The following WDR43 variants were observed in gnomAD, a reference collection of about 807,000 sequenced individuals.
WDR43 encodes the protein WD repeat-containing protein 43.
WDR43 carries 13 observed loss-of-function variants against 91.4 expected under a neutral mutation model. The observed-to-expected ratio is 0.14, with a 90% CI of 0.09 to 0.23. WDR43 has a LOEUF of 0.23. WDR43 is among the 10% of genes least tolerant of loss of function. WDR43 has a pLI of 1.00. For synonymous variants in WDR43, 331 were observed against 287.9 expected (o/e 1.15, Z -1.51); for missense variants, 780 against 809.4 (o/e 0.96, Z 0.44).
chr2:28,896,019 T>C (rs1670474075), intron 1 of WDR43, among the ~76,000 whole-genome samples: 1 of 152,228 alleles, frequency 6.6e-6, no homozygotes, highest in Non-Finnish European at 1.5e-5. Flanking sequence ...TTTCAAATTT[T>C]AAGCTACATT....
At chr2:28,902,954 T>G (rs1197872193) in intron 2 of WDR43, among the ~76,000 whole-genome samples, 2 of 152,246 alleles carry the variant, frequency 1.3e-5, no homozygotes, top group Non-Finnish European at 2.9e-5. Context: ...AAATAACATT[T>G]GTCTATAGGA....
chr2:28,894,726 G>T lies in WDR43; in HGVS notation c.28G>T (p.Asp10Tyr), dbSNP rs1184201712. MAAGGGGSC[D>Y]PLAPAGVPCA... ...GGCGGCGGGCGGCGGCGGTAGCTGC[G>T]ACCCCCTGGCCCCTGCTGGGGTCCC... Residue 10 changes from aspartate to tyrosine, a missense_variant, in exon 1 of 18, where the codon GAC becomes TAC. Physicochemically the swap from Asp to Tyr is radical, Grantham distance 160 (BLOSUM62 -3). Coordinates refer to ENST00000407426, the MANE Select transcript of WDR43 (RefSeq NM_015131.3). 5 of 1,573,906 alleles carry T rather than the reference G, an allele frequency of 3.2e-6. No homozygotes were observed. In the East Asian group the frequency reaches 9.5e-5, roughly 30 times the overall value.
At chr2:28,937,779 A>G (rs1163105099) in intron 13 of WDR43, among the ~76,000 whole-genome samples, 152 bp from the exon 14 acceptor site, 2 of 152,240 alleles carry the variant, frequency 1.3e-5, no homozygotes, top group Admixed American at 6.5e-5. Context: ...GAAAAAACGG[A>G]AAGTGATATA....
intron 7 of WDR43, among the ~76,000 whole-genome samples, chr2:28,924,708 C>A (rs533550343): frequency 6.6e-6 from 1 of 151,882 alleles, no homozygotes; most frequent in Non-Finnish European, 1.5e-5. Flanking sequence ...GGCAAGAGAA[C>A]GTTTGGCAGC....
rs563496357 is a variant in WDR43 at position 28,947,946 on chromosome 2, A to C, written c.*1167A>C. 1 of 144,716 alleles carries C rather than the reference A, an allele frequency of 6.9e-6. No homozygotes were observed. Among genetic ancestry groups the C allele is most frequent in the South Asian group, 2.2e-4 (1 of 4,556 alleles). 9.0% of individuals were successfully genotyped at this position (144,716 alleles called of 1,614,324 possible). ...CTAGGGGACATGCACATGGAAGCTC[A>C]CCTCTAAGAAAGGGCTGGGCAGATG... is the stretch of plus-strand genomic sequence containing the variant. On this transcript the variant is annotated 3_prime_UTR_variant, in exon 18 of 18. Transcript: ENST00000407426.
intron 5 of WDR43, among the ~76,000 whole-genome samples, 151 bp downstream of exon 5, chr2:28,914,359 A>G (rs1004678852): frequency 4.6e-5 from 7 of 152,240 alleles, no homozygotes; most frequent in Admixed American, 4.6e-4. Flanking sequence ...CTGCCTACAA[A>G]ACAGATCTTT....
intron 3 of WDR43, among the ~76,000 whole-genome samples, chr2:28,911,862 G>A (rs540491833): frequency 6.6e-6 from 1 of 151,904 alleles, no homozygotes; most frequent in Admixed American, 6.6e-5. Context: ...GGACTCAGGC[G>A]ATCTGCCCAC....
intron 7 of WDR43, among the ~76,000 whole-genome samples, chr2:28,923,834 G>A (rs1298100222): frequency 6.6e-6 from 1 of 152,068 alleles, no homozygotes; most frequent in Non-Finnish European, 1.5e-5. Flanking sequence ...GGACCCAAAG[G>A]TAGCTGGCCA....
rs566531149 is a variant in WDR43 at position 28,944,277 on chromosome 2, C to A, written c.1804+1896C>A. Among the ~76,000 whole-genome samples, 3 of 33,698 alleles carry A rather than the reference C, an allele frequency of 8.9e-5. No individual in the cohort carries two copies. The East Asian group carries it at 2.7e-3, about 30-fold the overall frequency. The allele number at this position is 33,698 out of a possible 152,430, so 22.1% of individuals were successfully genotyped here. On this transcript the variant is annotated intron_variant, in intron 16 of 17. Transcript: ENST00000407426. ...TGCTGCCGAAGAGAGCACAGAAATA[C>A]TGTTTTTCATTAAATTGATTTGTGT...
chr2:28,948,198 A>C lies in WDR43; in HGVS notation c.*1419A>C, dbSNP rs1294456941. The C allele has an allele frequency of 6.6e-6, 1 of 152,216 alleles. No individual in the cohort carries two copies. The highest frequency in any genetic ancestry group is 1.5e-5 in the Non-Finnish European group (1 of 68,034). The allele number at this position is 152,216 out of a possible 1,614,324, so 9.4% of individuals were successfully genotyped here. A position where few individuals can be genotyped will look rare whatever the true frequency, so the allele number is the denominator to read the frequency against. On this transcript the variant is annotated 3_prime_UTR_variant, in exon 18 of 18. Coordinates refer to ENST00000407426, the MANE Select transcript of WDR43 (RefSeq NM_015131.3). ...TTAATACCATTCTCTTTGTAAAGTG[A>C]ATAAATATTCATCTTTACCCAGTGC...
At chr2:28,916,577 A>G (rs1670913773) in intron 5 of WDR43, among the ~76,000 whole-genome samples, 2 of 152,010 alleles carry the variant, frequency 1.3e-5, no homozygotes, top group South Asian at 4.2e-4. Flanking sequence ...ATCTCTGCTG[A>G]CTTGGTTTTG....
At chr2:28,943,240 C>T (rs1671482276) in intron 16 of WDR43, among the ~76,000 whole-genome samples, 1 of 151,978 alleles carries the variant, frequency 6.6e-6, no homozygotes, top group African/African-American at 2.4e-5. Context: ...TACACTCAAG[C>T]GATCATCCTG....
At position 28,894,764 on chromosome 2, in the gene WDR43, C is replaced by T. The variant is rs779978704; in HGVS notation, c.66C>T (p.Ser22=). Residue 22 remains serine (S), a synonymous_variant, in exon 1 of 18, where the codon TCC becomes TCT. Coordinates refer to ENST00000407426, the MANE Select transcript of WDR43 (RefSeq NM_015131.3). ...LAPAGVPCAF[S]PHSQAYFALA... ...CTGCTGGGGTCCCTTGCGCCTTCTC[C>T]CCGCACAGCCAGGCCTACTTCGCTT... 36 of 1,603,526 alleles carry T rather than the reference C, an allele frequency of 2.2e-5. No homozygotes were observed. The highest frequency in any genetic ancestry group is 2.6e-5 in the Non-Finnish European group (31 of 1,175,440).
chr2:28,941,806 G>T (rs1454318050), intron 15 of WDR43, among the ~76,000 whole-genome samples: 2 of 152,054 alleles, frequency 1.3e-5, no homozygotes, highest in Non-Finnish European at 2.9e-5. Flanking sequence ...CATTGCCTAG[G>T]CTGGTTTTGA....
intron 6 of WDR43, among the ~76,000 whole-genome samples, chr2:28,919,382 G>C (rs1670977712): frequency 6.6e-6 from 1 of 152,158 alleles, no homozygotes; most frequent in South Asian, 2.1e-4. Context: ...AAGAAAAGTA[G>C]TAGGGGCTGG....
intron 1 of WDR43, among the ~76,000 whole-genome samples, chr2:28,897,257 TAAA>T (rs1040725052): frequency 9.2e-5 from 14 of 152,128 alleles, no homozygotes; most frequent in African/African-American, 3.4e-4. Flanking sequence ...GGTATAAAAT[TAAA>T]AAGTCATATG....
At chr2:28,897,718 A>C (rs759148837) in intron 1 of WDR43, among the ~76,000 whole-genome samples, 2 of 152,220 alleles carry the variant, frequency 1.3e-5, no homozygotes, top group Non-Finnish European at 2.9e-5. Flanking sequence ...TCAATGGAGA[A>C]AGATTAGTTA....
chr2:28,929,471 AG>A, intron 10 of WDR43, 107 bp from the exon 11 acceptor site: 1 of 1,047,916 alleles, frequency 9.5e-7, no homozygotes, highest in Non-Finnish European at 1.3e-6. Context: ...AGTGTTTTCT[AG>A]GGTTGAGGTG....
intron 13 of WDR43, among the ~76,000 whole-genome samples, 189 bp from the exon 14 acceptor site, chr2:28,937,742 A>G (rs1036328274): frequency 1.3e-5 from 2 of 152,226 alleles, no homozygotes; most frequent in South Asian, 2.1e-4. Context: ...CCCAAGGTCT[A>G]TGACACAGAG....
Sources: allele counts gnomAD v4.1 joint callset (sites outside exome capture counted in the v4.1 genomes callset), GRCh38; gene constraint gnomAD v4.1.1; transcripts MANE v1.5; gene names NCBI Gene and HGNC (gene_info 2026-07-23, HGNC 2026-07-21).